The following GNB1 variants were observed in gnomAD, a reference collection of about 807,000 sequenced individuals.
GNB1 encodes guanine nucleotide-binding protein G(I)/G(S)/G(T) subunit beta-1.
A neutral mutation model predicts 42.9 loss-of-function variants in GNB1; 2 were observed. That is an observed-to-expected ratio of 0.05 (90% CI 0.02 to 0.15). GNB1 has a LOEUF of 0.15. Ranked by LOEUF, GNB1 falls within the 10% of genes least tolerant of loss-of-function variation. The pLI, the probability that GNB1 is intolerant of heterozygous loss-of-function variation, is 1.00. For missense variants in GNB1, 193 were observed against 462.2 expected (o/e 0.42, Z 5.34); for synonymous variants, 183 against 174.7 (o/e 1.05, Z -0.38).
At position 1,890,852 on chromosome 1, in the gene GNB1, C is replaced by G. The variant is rs1650467808; in HGVS notation, c.-128G>C. Reference sequence around the variant, plus strand: ...CCCTCGTCGCGGCCTGACGCGCCCACACCGCCGCCTCGGCCGCCGCTCGGC... The same window carrying G: ...CCCTCGTCGCGGCCTGACGCGCCCAGACCGCCGCCTCGGCCGCCGCTCGGC... On this transcript the variant is annotated 5_prime_UTR_variant, in exon 1 of 12. Transcript: ENST00000378609. 1 of 147,612 alleles carries G rather than the reference C, an allele frequency of 6.8e-6. No homozygotes were observed. The highest frequency in any genetic ancestry group is 1.5e-5 in the Non-Finnish European group (1 of 66,282). 9.1% of individuals were successfully genotyped at this position (147,612 alleles called of 1,614,324 possible). A position where few individuals can be genotyped will look rare whatever the true frequency, so the allele number is the denominator to read the frequency against.
intron 1 of GNB1, among the ~76,000 whole-genome samples, chr1:1,881,806 C>T (rs958662846): frequency 6.6e-6 from 1 of 152,154 alleles, no homozygotes; most frequent in African/African-American, 2.4e-5. Flanking sequence ...TGCTCTTATG[C>T]GCTTGATAAA....
At chr1:1,854,130 GTCTT>G (rs1485299662) in intron 1 of GNB1, among the ~76,000 whole-genome samples, 1 of 152,184 alleles carries the variant, frequency 6.6e-6, no homozygotes, top group African/African-American at 2.4e-5. Flanking sequence ...AACAGTGCAA[GTCTT>G]TATTTTGATA....
At chr1:1,867,671 C>G (rs1292454924) in intron 1 of GNB1, among the ~76,000 whole-genome samples, 1 of 151,980 alleles carries the variant, frequency 6.6e-6, no homozygotes, top group Non-Finnish European at 1.5e-5. Flanking sequence ...ATATATATTC[C>G]TAACATTTTT....
chr1:1,812,150 C>T (rs572969245), intron 5 of GNB1, among the ~76,000 whole-genome samples: 2 of 151,908 alleles, frequency 1.3e-5, no homozygotes, highest in Admixed American at 6.6e-5. Flanking sequence ...TTTATGAAGG[C>T]AGGAAATATG....
chr1:1,800,346 A>G (rs1233768438), intron 7 of GNB1, among the ~76,000 whole-genome samples: 1 of 152,240 alleles, frequency 6.6e-6, no homozygotes, highest in African/African-American at 2.4e-5. Flanking sequence ...TCTAAATAAA[A>G]GCAATAGAAA....
At chr1:1,812,157 T>C (rs1438447386) in intron 5 of GNB1, among the ~76,000 whole-genome samples, 1 of 151,268 alleles carries the variant, frequency 6.6e-6, no homozygotes, top group African/African-American at 2.4e-5. Context: ...AGGCAGGAAA[T>C]ATGAAGATTA....
At chr1:1,885,019 T>TA (rs1431993268) in intron 1 of GNB1, among the ~76,000 whole-genome samples, 16 of 151,940 alleles carry the variant, frequency 1.1e-4, no homozygotes, top group Non-Finnish European at 2.2e-4. Context: ...AATTAATACA[T>TA]AAAGTCCTCT....
chr1:1,877,316 A>AT (rs1237854341), intron 1 of GNB1, among the ~76,000 whole-genome samples: 2,003 of 121,492 alleles, frequency 0.016, 19 homozygotes, highest in Middle Eastern at 0.047. Flanking sequence ...AAAAAAAAAA[A>AT]ATATATATAT....
chr1:1,868,283 C>A lies in GNB1; in HGVS notation c.-96+22537G>T, dbSNP rs1161608992. 3.9e-5 allele frequency among the ~76,000 whole-genome samples: 6 copies of A among 152,134 alleles called. No homozygotes were observed. In the East Asian group the frequency reaches 1.2e-3, roughly 29 times the overall value. On this transcript the variant is annotated intron_variant, in intron 1 of 11. Transcript: ENST00000378609. ...CTCTGCCTCCCGGGTTCGAGCAATTCTCCTGCCTCAGCCTCCCGCGTAGCT... is the reference window on the plus strand; with the variant it reads ...CTCTGCCTCCCGGGTTCGAGCAATTATCCTGCCTCAGCCTCCCGCGTAGCT...
intron 5 of GNB1, among the ~76,000 whole-genome samples, chr1:1,808,145 C>A (rs1466264487): frequency 6.6e-6 from 1 of 152,066 alleles, no homozygotes; most frequent in East Asian, 1.9e-4. Context: ...GCTGGGATTA[C>A]AGACACGCGC....
At chr1:1,820,571 A>G (rs1458990931) in intron 3 of GNB1, among the ~76,000 whole-genome samples, 3 of 152,092 alleles carry the variant, frequency 2.0e-5, no homozygotes, top group East Asian at 3.8e-4. Flanking sequence ...CTTTTTGTCA[A>G]TGAATTTTAC....
chr1:1,848,403 A>T (rs1247108227), intron 1 of GNB1, among the ~76,000 whole-genome samples: 7 of 151,878 alleles, frequency 4.6e-5, no homozygotes, highest in Non-Finnish European at 7.4e-5. Flanking sequence ...CGAAAAAGAA[A>T]GAAGTCAGAA....
At chr1:1,869,908 G>T (rs905610427) in intron 1 of GNB1, among the ~76,000 whole-genome samples, 1 of 151,846 alleles carries the variant, frequency 6.6e-6, no homozygotes, top group East Asian at 1.9e-4. Context: ...CATCACCCAG[G>T]CTGGAGTGTA....
intron 5 of GNB1, among the ~76,000 whole-genome samples, chr1:1,814,797 CA>C (rs66588627): frequency 2.3e-3 from 176 of 77,592 alleles, no homozygotes; most frequent in African/African-American, 9.2e-3. Context: ...GACCCTGTCT[CA>C]AAAAAAAAAA....
At chr1:1,886,517 G>C (rs980204023) in intron 1 of GNB1, among the ~76,000 whole-genome samples, 13 of 152,044 alleles carry the variant, frequency 8.6e-5, no homozygotes, top group African/African-American at 7.2e-5. Flanking sequence ...CGTTGGCCCT[G>C]CTTTTTCTTT....
At chr1:1,882,538 T>G (rs1368248712) in intron 1 of GNB1, among the ~76,000 whole-genome samples, 1 of 151,724 alleles carries the variant, frequency 6.6e-6, no homozygotes, top group Non-Finnish European at 1.5e-5. Context: ...TTATTGTCCC[T>G]ATCAGCAAAT....
At chr1:1,804,158 G>A (rs1233595775) in intron 7 of GNB1, among the ~76,000 whole-genome samples, 10 of 151,984 alleles carry the variant, frequency 6.6e-5, no homozygotes, top group Non-Finnish European at 7.4e-5. Context: ...TTAGCTGGGC[G>A]TGGTGGTGGG....
intron 2 of GNB1, among the ~76,000 whole-genome samples, chr1:1,828,546 T>TTAGTGACCTCA (rs1177923925): frequency 1.3e-5 from 2 of 152,110 alleles, no homozygotes; most frequent in African/African-American, 4.8e-5. Flanking sequence ...TAAAATGAGC[T>TTAGTGACCTCA]CAATATAACT....
chr1:1,790,247 C>A lies in GNB1; in HGVS notation c.699+148G>T, dbSNP rs545856676. Reference sequence around the variant, plus strand: ...TGGTCAACACAGAGAAGTTTCCCATCGGGAGTTTTCTGTATCCCCATCTGT... The same window carrying A: ...TGGTCAACACAGAGAAGTTTCCCATAGGGAGTTTTCTGTATCCCCATCTGT... On this transcript the variant is annotated intron_variant, in intron 9 of 11. Coordinates refer to ENST00000378609, the MANE Select transcript of GNB1 (RefSeq NM_002074.5). This position sits in a 1 kb window ranked among gnomAD's most constrained non-coding sequence, Gnocchi z 5.4. 3.2e-6 allele frequency: 2 copies of A among 625,916 alleles called. No homozygotes were observed. Among genetic ancestry groups the A allele is most frequent in the East Asian group, 5.5e-5 (2 of 36,422 alleles). 38.8% of individuals were successfully genotyped at this position (625,916 alleles called of 1,614,324 possible). A position where few individuals can be genotyped will look rare whatever the true frequency, so the allele number is the denominator to read the frequency against.
Sources: gnomAD v4.1 joint callset for allele counts (sites outside exome capture counted in the v4.1 genomes callset) on GRCh38, gnomAD v4.1.1 for gene constraint, Gnocchi (gnomAD v3.1) non-coding constraint, MANE v1.5 for transcripts, NCBI Gene and HGNC (gene_info 2026-07-23, HGNC 2026-07-21) for gene names.